Variants in PGAP2 observed in about 807,000 individuals in gnomAD.
PGAP2 encodes post-GPI attachment to proteins 2.
PGAP2 carries 21 observed loss-of-function variants against 33.2 expected under a neutral mutation model. The observed-to-expected ratio is 0.63, with a 90% CI of 0.45 to 0.91. The LOEUF is 0.91. PGAP2 is among the 40% of genes least tolerant of loss of function. PGAP2 has a pLI of 0.00. For synonymous variants in PGAP2, 161 were observed against 172.9 expected (o/e 0.93, Z 0.54); for missense variants, 345 against 424.0 (o/e 0.81, Z 1.64).
intron 3 of PGAP2, among the ~76,000 whole-genome samples, chr11:3,822,063 A>C (rs2088818065): frequency 6.6e-6 from 1 of 150,764 alleles, no homozygotes; most frequent in Non-Finnish European, 1.5e-5. Flanking sequence ...TGTCTCCAAA[A>C]ACAAAAGCAA....
intron 1 of PGAP2, chr11:3,798,134 T>A: frequency 6.9e-7 from 1 of 1,448,888 alleles, no homozygotes; most frequent in East Asian, 2.6e-5. Context: ...CCGAGGCTTC[T>A]TCAGGGCCCT....
At chr11:3,825,249 G>T in intron 6 of PGAP2, 79 bp from the exon 7 acceptor site, 4 of 1,563,720 alleles carry the variant, frequency 2.6e-6, no homozygotes, top group Non-Finnish European at 3.5e-6. Context: ...GCAGACCAAT[G>T]GTGGTGTGAT....
At chr11:3,798,221 A>T in intron 1 of PGAP2, 1 of 1,048,472 alleles carries the variant, frequency 9.5e-7, no homozygotes, top group Non-Finnish European at 1.3e-6. Flanking sequence ...TAGGATGGAC[A>T]TTAGGAGCAT....
At chr11:3,808,067 C>T (rs1290929712), upstream of PGAP2, 71 of 1,116,684 alleles carry the variant, frequency 6.4e-5, no homozygotes, top group Non-Finnish European at 8.1e-5. Flanking sequence ...TGTGCCTCAC[C>T]GGGTCTCACT....
At chr11:3,820,877 T>C (rs897561842) in intron 3 of PGAP2, among the ~76,000 whole-genome samples, 5 of 152,182 alleles carry the variant, frequency 3.3e-5, no homozygotes, top group Admixed American at 6.6e-5. Context: ...TAGGTGGTGT[T>C]ATACCCATTT....
intron 3 of PGAP2, 42 bp downstream of exon 3, chr11:3,817,577 G>C: frequency 6.6e-7 from 1 of 1,521,526 alleles, no homozygotes; most frequent in East Asian, 2.3e-5. Flanking sequence ...GGCCAGGTCA[G>C]GAGGTGGCAG....
upstream of PGAP2, among the ~76,000 whole-genome samples, chr11:3,803,569 A>G (rs979768862): frequency 6.6e-5 from 10 of 151,990 alleles, no homozygotes; most frequent in African/African-American, 2.4e-4. Flanking sequence ...CTGGGATTAC[A>G]GGCTTCCACC....
intron 3 of PGAP2, chr11:3,817,764 A>G (rs2087432364): frequency 1.5e-6 from 1 of 671,532 alleles, no homozygotes; most frequent in Non-Finnish European, 2.7e-6. Context: ...TGCAAGGGAG[A>G]TGACGGGCGC....
chr11:3,802,726 G>A (rs1054936506), intron 1 of PGAP2, among the ~76,000 whole-genome samples: 1 of 152,134 alleles, frequency 6.6e-6, no homozygotes. Context: ...TCAAGTTGTA[G>A]ATCTGCTACT....
chr11:3,808,416 C>T (rs2084835634), upstream of PGAP2: 7 of 1,544,874 alleles, frequency 4.5e-6, no homozygotes, highest in African/African-American at 6.9e-5. Flanking sequence ...CAGACCCGGG[C>T]TGTAAAGCAT....
chr11:3,801,499 G>C (rs891536777), intron 1 of PGAP2, among the ~76,000 whole-genome samples: 1 of 151,544 alleles, frequency 6.6e-6, no homozygotes, highest in Non-Finnish European at 1.5e-5. Flanking sequence ...AAAATTAGCC[G>C]GGCGCGGTGG....
chr11:3,808,080 C>A (rs2084750756), upstream of PGAP2: 1 of 1,438,134 alleles, frequency 7.0e-7, no homozygotes, highest in East Asian at 2.5e-5. Flanking sequence ...GTCTCACTGC[C>A]TGCAAAGGTG....
At chr11:3,824,249 C>T in intron 4 of PGAP2, 21 bp from the exon 5 acceptor site, 1 of 1,614,032 alleles carries the variant, frequency 6.2e-7, no homozygotes, top group Non-Finnish European at 8.5e-7. Context: ...CAATGTGGCT[C>T]CCAATCCTCT....
intron 3 of PGAP2, among the ~76,000 whole-genome samples, chr11:3,822,172 G>A (rs1419517243): frequency 1.3e-5 from 2 of 151,628 alleles, no homozygotes; most frequent in South Asian, 2.1e-4. Context: ...AGACCATCCT[G>A]GCTAACACGG....
rs140671473 is a variant in PGAP2 at position 3,800,862 on chromosome 11, G to C, written c.139+2880G>C. 9.7e-3 allele frequency among the ~76,000 whole-genome samples: 1,465 copies of C among 150,940 alleles called. 14 individuals are homozygous for C. Among genetic ancestry groups the C allele is most frequent in the Non-Finnish European group, 0.016 (1,078 of 67,764 alleles). Reference sequence around the variant, plus strand: ...TTAGGCAAATTTCCTGCCGGGAATGGTGGCTCACGCCTATAATCCCAGCAC... The same window carrying C: ...TTAGGCAAATTTCCTGCCGGGAATGCTGGCTCACGCCTATAATCCCAGCAC... On this transcript the variant is annotated intron_variant, in intron 1 of 6. Transcript: ENST00000300730.
chr11:3,805,604 C>T (rs997457345), upstream of PGAP2, among the ~76,000 whole-genome samples: 20 of 149,172 alleles, frequency 1.3e-4, no homozygotes, highest in South Asian at 2.2e-3. Context: ...CACGGTGGCT[C>T]ATGCCTGTAA....
At chr11:3,821,009 C>A (rs2088487595) in intron 3 of PGAP2, among the ~76,000 whole-genome samples, 1 of 152,212 alleles carries the variant, frequency 6.6e-6, no homozygotes, top group African/African-American at 2.4e-5. Flanking sequence ...TATGCTGCCC[C>A]TTCACATTAC....
At chr11:3,808,265 G>A (rs1300382606), upstream of PGAP2, 10 of 1,551,390 alleles carry the variant, frequency 6.4e-6, no homozygotes, top group Non-Finnish European at 8.7e-6. Context: ...TCCGGCCCCT[G>A]TTGAATTAAT....
chr11:3,799,510 CAG>C (rs760322028), intron 1 of PGAP2, among the ~76,000 whole-genome samples: 15 of 152,096 alleles, frequency 9.9e-5, no homozygotes, highest in Non-Finnish European at 1.8e-4. Flanking sequence ...CACTGCGCTC[CAG>C]AGTGATCTCA....
Sources: allele counts gnomAD v4.1 joint callset (sites outside exome capture counted in the v4.1 genomes callset), GRCh38; gene constraint gnomAD v4.1.1; transcripts MANE v1.5; gene names NCBI Gene and HGNC (gene_info 2026-07-23, HGNC 2026-07-21).